Variants in NMU observed in about 807,000 individuals in gnomAD.
The protein encoded by NMU is neuromedin-U.
A neutral mutation model predicts 35.4 loss-of-function variants in NMU; 29 were observed. The ratio of observed to expected loss-of-function variants is 0.82; its 90% CI spans 0.61 to 1.12. The LOEUF (loss-of-function observed/expected upper bound fraction) is 1.12. NMU is among the 50% of genes most tolerant of loss of function. The pLI, the probability that NMU is intolerant of heterozygous loss-of-function variation, is 0.00. For missense variants in NMU, 199 were observed against 206.2 expected (o/e 0.97, Z 0.21); for synonymous variants, 78 against 81.3 (o/e 0.96, Z 0.22).
chr4:55,615,183 C>T (rs1203165255), intron 3 of NMU, among the ~76,000 whole-genome samples: 1 of 152,216 alleles, frequency 6.6e-6, no homozygotes, highest in Non-Finnish European at 1.5e-5. Flanking sequence ...AGTGTCCATG[C>T]AGAGGAGCTA....
At chr4:55,634,294 A>G (rs1715781862) in intron 1 of NMU, among the ~76,000 whole-genome samples, 1 of 152,158 alleles carries the variant, frequency 6.6e-6, no homozygotes, top group Non-Finnish European at 1.5e-5. Flanking sequence ...AGATAAAATT[A>G]GTTTTTTTAG....
chr4:55,602,363 T>A (rs1733462174), intron 7 of NMU, among the ~76,000 whole-genome samples: 1 of 152,232 alleles, frequency 6.6e-6, no homozygotes, highest in African/African-American at 2.4e-5. Context: ...TGCAATTGCA[T>A]TTCTATTCAT....
chr4:55,595,563 T>TATATATATATATATATATATATAC (rs755203914), intron 9 of NMU, among the ~76,000 whole-genome samples, 152 bp from the exon 10 acceptor site: 3 of 120,054 alleles, frequency 2.5e-5, no homozygotes, highest in African/African-American at 6.1e-5. Context: ...TATATATATA[T>TATATATATATATATATATATATAC]ACACACACAC....
intron 3 of NMU, among the ~76,000 whole-genome samples, chr4:55,611,637 T>C (rs1306503369): frequency 6.6e-6 from 1 of 152,212 alleles, no homozygotes; most frequent in East Asian, 1.9e-4. Context: ...TTACATTATG[T>C]ATTTACTGTA....
intron 2 of NMU, among the ~76,000 whole-genome samples, chr4:55,617,924 A>T (rs1253613072): frequency 6.6e-6 from 1 of 152,218 alleles, no homozygotes; most frequent in Non-Finnish European, 1.5e-5. Context: ...TCAGACTTTT[A>T]AAAACCCAGT....
intron 2 of NMU, 111 bp from the exon 3 acceptor site, chr4:55,616,496 G>T: frequency 1.2e-6 from 1 of 824,798 alleles, no homozygotes; most frequent in Non-Finnish European, 2.1e-6. Context: ...TTCCATGATA[G>T]TTTAGGACTC....
chr4:55,625,181 A>AAG (rs1734474789), intron 2 of NMU, among the ~76,000 whole-genome samples: 1 of 149,040 alleles, frequency 6.7e-6, no homozygotes, highest in South Asian at 2.1e-4. Flanking sequence ...AAAAAAAAAA[A>AAG]AAAAAAAAAA....
rs142918590 is a variant in NMU, at chr4:55,615,558, A to G, written c.219+780T>C. Among the ~76,000 whole-genome samples, 7 of 152,312 alleles carry G rather than the reference A, an allele frequency of 4.6e-5. No individual in the cohort carries two copies. In the East Asian group the frequency reaches 1.2e-3, roughly 25 times the overall value. ...GTCTGACTCATAAATTCATCTCTCA[A>G]TGGTTTCAAACTCAATTGGGAGATA... is the stretch of plus-strand genomic sequence containing the variant. On this transcript the variant is annotated intron_variant, in intron 3 of 9. Coordinates refer to ENST00000264218, the MANE Select transcript of NMU (RefSeq NM_006681.4).
intron 1 of NMU, among the ~76,000 whole-genome samples, chr4:55,633,002 A>T (rs532882482): frequency 1.6e-3 from 97 of 60,688 alleles, no homozygotes; most frequent in African/African-American, 5.4e-3. Flanking sequence ...AAACAAAATT[A>T]AAAAAAAATT....
rs751153597 is a variant in NMU, at chr4:55,605,238, G to T, written c.435+37C>A. On this transcript the variant is annotated intron_variant, in intron 7 of 9. Coordinates refer to ENST00000264218, the MANE Select transcript of NMU (RefSeq NM_006681.4). ...ATTAACAGAAAGGGCTGCCCCACAC[G>T]GAATGGCAAAGCCAGCATGCAGTTT... The T allele has an allele frequency of 7.0e-6, 10 of 1,421,118 alleles. No individual in the cohort carries two copies. The Admixed American group carries it at 1.7e-4, about 24-fold the overall frequency. 88.0% of individuals were successfully genotyped at this position (1,421,118 alleles called of 1,614,324 possible).
chr4:55,626,981 G>T (rs903537115), intron 2 of NMU, among the ~76,000 whole-genome samples: 9 of 152,172 alleles, frequency 5.9e-5, no homozygotes, highest in African/African-American at 2.2e-4. Context: ...AGGTGGCAAA[G>T]GCATTCATCC....
intron 8 of NMU, among the ~76,000 whole-genome samples, 172 bp downstream of exon 8, chr4:55,600,350 T>C (rs927075364): frequency 6.6e-6 from 1 of 152,186 alleles, no homozygotes; most frequent in African/African-American, 2.4e-5. Flanking sequence ...TCAGAGATAC[T>C]GTGGTATTGA....
intron 3 of NMU, among the ~76,000 whole-genome samples, chr4:55,611,429 T>C (rs918802741): frequency 2.0e-5 from 3 of 152,154 alleles, no homozygotes; most frequent in African/African-American, 7.2e-5. Context: ...TAATTTATTA[T>C]TGAAGAGAGA....
At chr4:55,635,969 G>A (rs1715892200) in intron 1 of NMU, 112 bp downstream of exon 1, 2 of 1,510,256 alleles carry the variant, frequency 1.3e-6, no homozygotes, top group Non-Finnish European at 1.8e-6. Context: ...GAAGCCAAGT[G>A]AAGTCCCAGA....
At chr4:55,616,930 CAACT>C (rs146977150) in intron 2 of NMU, among the ~76,000 whole-genome samples, 377 of 152,222 alleles carry the variant, frequency 2.5e-3, no homozygotes, top group Non-Finnish European at 4.0e-3. Context: ...CTACAGTTGG[CAACT>C]AACTATTTTC....
intron 2 of NMU, among the ~76,000 whole-genome samples, chr4:55,626,738 A>C (rs1279633153): frequency 1.3e-5 from 2 of 152,078 alleles, no homozygotes; most frequent in Non-Finnish European, 2.9e-5. Context: ...CAAACAAAAA[A>C]CCAACAAAGG....
At chr4:55,613,144 G>C (rs1734000717) in intron 3 of NMU, among the ~76,000 whole-genome samples, 1 of 152,070 alleles carries the variant, frequency 6.6e-6, no homozygotes, top group East Asian at 1.9e-4. Context: ...AGATACCGAG[G>C]CCTACTTGAG....
intron 7 of NMU, among the ~76,000 whole-genome samples, chr4:55,601,472 C>G (rs9996936): frequency 0.23 from 34,179 of 151,816 alleles, 4,206 homozygotes; most frequent in South Asian, 0.28. Context: ...CTCAATATTT[C>G]TACTTAATTT....
rs115145802 is a variant in NMU at position 55,615,180 on chromosome 4, A to G, written c.219+1158T>C. ...CTTATTCCCCACTTCTTAAGTGTCC[A>G]TGCAGAGGAGCTAGATTAGCACTCC... On this transcript the variant is annotated intron_variant, in intron 3 of 9. Coordinates refer to ENST00000264218, the MANE Select transcript of NMU (RefSeq NM_006681.4). Among the ~76,000 whole-genome samples, 191 of 152,350 alleles carry G rather than the reference A, an allele frequency of 1.3e-3. 1 individual carries two copies. Among genetic ancestry groups the G allele is most frequent in the African/African-American group, 4.3e-3 (177 of 41,586 alleles).
Sources: gnomAD v4.1 joint callset for allele counts (sites outside exome capture counted in the v4.1 genomes callset) on GRCh38, gnomAD v4.1.1 for gene constraint, MANE v1.5 for transcripts, NCBI Gene and HGNC (gene_info 2026-07-23, HGNC 2026-07-21) for gene names.